Variants in MLIP observed in about 807,000 individuals in gnomAD.
MLIP encodes the protein muscular LMNA interacting protein, also known as muscular LMNA-interacting protein.
MLIP carries 79 observed loss-of-function variants against 84.8 expected under a neutral mutation model. The ratio of observed to expected loss-of-function variants is 0.93; its 90% CI spans 0.78 to 1.12. The LOEUF (loss-of-function observed/expected upper bound fraction) is 1.12. Among genes scored for constraint, MLIP ranks in the 50% most tolerant of loss-of-function variants. The pLI is 0.00. For synonymous variants in MLIP, 504 were observed against 463.0 expected (o/e 1.09, Z -1.14); for missense variants, 1,257 against 1,160.6 (o/e 1.08, Z -1.21).
At chr6:54,055,182 G>A (rs898584386) in intron 1 of MLIP, among the ~76,000 whole-genome samples, 1 of 152,038 alleles carries the variant, frequency 6.6e-6, no homozygotes, top group Non-Finnish European at 1.5e-5. Flanking sequence ...CACCGCACCC[G>A]GCCTCATCAC....
At chr6:54,113,172 T>G (rs557746304) in intron 1 of MLIP, among the ~76,000 whole-genome samples, 156 of 152,302 alleles carry the variant, frequency 1.0e-3, no homozygotes, top group Non-Finnish European at 1.8e-3. Flanking sequence ...AAGATAGACC[T>G]ATAGTCATGA....
At chr6:54,064,683 T>A (rs1766157722) in intron 1 of MLIP, among the ~76,000 whole-genome samples, 1 of 99,288 alleles carries the variant, frequency 1.0e-5, no homozygotes, top group Non-Finnish European at 2.9e-5. Flanking sequence ...TTTTGAAGCA[T>A]TAGGGAGTTA....
intron 3 of MLIP, among the ~76,000 whole-genome samples, chr6:54,136,500 G>A (rs1771806297): frequency 6.6e-6 from 1 of 152,164 alleles, no homozygotes; most frequent in African/African-American, 2.4e-5. Flanking sequence ...TGGGATAAAT[G>A]AGGTATAGGA....
intron 10 of MLIP, among the ~76,000 whole-genome samples, chr6:54,190,942 C>T (rs1217131355): frequency 6.6e-6 from 1 of 151,658 alleles, no homozygotes; most frequent in African/African-American, 2.4e-5. Flanking sequence ...ACTACAGGCG[C>T]CCGCCACCGA....
chr6:54,100,630 G>A (rs1053820227), intron 1 of MLIP, among the ~76,000 whole-genome samples: 20 of 152,074 alleles, frequency 1.3e-4, no homozygotes, highest in Admixed American at 7.9e-4. Flanking sequence ...AAAATGCTTT[G>A]TCCTTTATCT....
At chr6:54,085,490 CATG>C (rs1284496925) in intron 1 of MLIP, among the ~76,000 whole-genome samples, 2 of 152,116 alleles carry the variant, frequency 1.3e-5, no homozygotes, top group Non-Finnish European at 1.5e-5. Context: ...TTGTGTTTAT[CATG>C]ATATCATGAT....
At chr6:54,237,841 C>A (rs1469737011) in intron 12 of MLIP, among the ~76,000 whole-genome samples, 3 of 152,048 alleles carry the variant, frequency 2.0e-5, no homozygotes, top group South Asian at 2.1e-4. Flanking sequence ...CAAAGTGAGA[C>A]CCTGTCACAA....
intron 9 of MLIP, among the ~76,000 whole-genome samples, chr6:54,186,755 T>A (rs1777435605): frequency 6.6e-6 from 1 of 152,136 alleles, no homozygotes; most frequent in African/African-American, 2.4e-5. Flanking sequence ...TCCCACCAGT[T>A]CCTGCCCTCA....
intron 12 of MLIP, among the ~76,000 whole-genome samples, chr6:54,232,292 T>C (rs1582576042): frequency 6.6e-6 from 1 of 152,176 alleles, no homozygotes; most frequent in Non-Finnish European, 1.5e-5. Flanking sequence ...CGTTACATGA[T>C]ATAGCTCATT....
chr6:54,059,892 TG>T (rs1419094187), intron 1 of MLIP, among the ~76,000 whole-genome samples: 3 of 152,264 alleles, frequency 2.0e-5, no homozygotes, highest in Non-Finnish European at 4.4e-5. Flanking sequence ...ACTTTTACAA[TG>T]GTTATTTCCT....
At chr6:54,234,788 C>G (rs1562090203) in intron 12 of MLIP, among the ~76,000 whole-genome samples, 2 of 152,196 alleles carry the variant, frequency 1.3e-5, no homozygotes, top group African/African-American at 4.8e-5. Context: ...ATAATATGCA[C>G]ATTCTAACTT....
chr6:54,098,257 G>C (rs1371724063), intron 1 of MLIP, among the ~76,000 whole-genome samples: 1 of 148,944 alleles, frequency 6.7e-6, no homozygotes, highest in Non-Finnish European at 1.5e-5. Flanking sequence ...CTGGGCTCAA[G>C]AGCTCCTCCA....
chr6:54,038,762 T>A (rs1301325080), intron 1 of MLIP, among the ~76,000 whole-genome samples: 1 of 151,962 alleles, frequency 6.6e-6, no homozygotes, highest in Non-Finnish European at 1.5e-5. Flanking sequence ...TCTTAGCATG[T>A]ATTATATATC....
At chr6:54,141,660 A>G (rs562265075) in intron 4 of MLIP, among the ~76,000 whole-genome samples, 9 of 152,078 alleles carry the variant, frequency 5.9e-5, no homozygotes, top group Non-Finnish European at 1.3e-4. Context: ...CATGCAAAAG[A>G]CTGGATATTA....
chr6:54,198,018 C>G (rs1778418434), intron 10 of MLIP, among the ~76,000 whole-genome samples: 2 of 152,192 alleles, frequency 1.3e-5, no homozygotes, highest in South Asian at 2.1e-4. Context: ...TTTAAAGCCT[C>G]TCCTTCAGTC....
Position 54,124,620 on chromosome 6 carries a change from G to T in MLIP, c.400G>T (p.Asp134Tyr), listed in dbSNP as rs753995510. Residue 134 changes from aspartate (D) to tyrosine (Y), a missense_variant, in exon 3 of 14, where the codon GAC (aspartate) becomes TAC (tyrosine). Coordinates refer to ENST00000502396, the MANE Select transcript of MLIP (RefSeq NM_001281747.2). ...ANKLQGMQQS[D>Y]LFKAEYVLIV... Reference sequence around the variant, plus strand: ...CAAACTTCAAGGGATGCAGCAAAGTGACCTCTTCAAAGCTGAATATGTCCT... The same window carrying T: ...CAAACTTCAAGGGATGCAGCAAAGTTACCTCTTCAAAGCTGAATATGTCCT... The T allele has an allele frequency of 1.2e-6, 2 of 1,614,164 alleles. No individual in the cohort carries two copies. Among genetic ancestry groups the T allele is most frequent in the South Asian group, 2.2e-5 (2 of 91,070 alleles).
At chr6:54,225,588 A>G (rs1341902046) in intron 11 of MLIP, among the ~76,000 whole-genome samples, 2 of 152,186 alleles carry the variant, frequency 1.3e-5, no homozygotes, top group Non-Finnish European at 2.9e-5. Flanking sequence ...GTTGCACAAA[A>G]AGGAAACTTC....
intron 1 of MLIP, among the ~76,000 whole-genome samples, chr6:54,073,374 GA>G (rs775170775): frequency 2.9e-4 from 44 of 152,170 alleles, no homozygotes; most frequent in South Asian, 1.2e-3. Context: ...ATTAGACTGA[GA>G]ATTTTAGTAC....
chr6:54,199,494 A>C (rs1195737724), intron 10 of MLIP, among the ~76,000 whole-genome samples: 1 of 152,118 alleles, frequency 6.6e-6, no homozygotes, highest in Non-Finnish European at 1.5e-5. Context: ...ATGGGTCCTC[A>C]AGGATTTTGA....
Sources: allele counts gnomAD v4.1 joint callset (sites outside exome capture counted in the v4.1 genomes callset), GRCh38; gene constraint gnomAD v4.1.1; transcripts MANE v1.5; gene names NCBI Gene and HGNC (gene_info 2026-07-23, HGNC 2026-07-21).